ADTRP: variants seen among roughly 807,000 people sequenced by gnomAD.
ADTRP encodes the protein androgen dependent TFPI regulating protein.
In ADTRP, 20 loss-of-function variants were observed where a neutral mutation model predicts 27.0. That is an observed-to-expected ratio of 0.74 (90% CI 0.52 to 1.08). ADTRP has a LOEUF of 1.08. Ranked by LOEUF, ADTRP falls within the 50% of genes least tolerant of loss-of-function variation. ADTRP has a pLI of 0.00. For synonymous variants in ADTRP, 101 were observed against 105.2 expected (o/e 0.96, Z 0.25); for missense variants, 251 against 275.0 (o/e 0.91, Z 0.62).
chr6:11,720,455 G>T (rs1475996797), intron 5 of ADTRP, among the ~76,000 whole-genome samples: 1 of 149,528 alleles, frequency 6.7e-6, no homozygotes, highest in Non-Finnish European at 1.5e-5. Context: ...GTTGGTTTGC[G>T]GCCAGGTGAG....
intron 4 of ADTRP, among the ~76,000 whole-genome samples, chr6:11,729,436 C>A (rs180920178): frequency 6.6e-6 from 1 of 152,296 alleles, no homozygotes; most frequent in East Asian, 1.9e-4. Context: ...GGTTTTCTAA[C>A]TTCCTGCCCT....
chr6:11,720,485 T>TTA (rs1761982920), intron 5 of ADTRP, among the ~76,000 whole-genome samples: 1 of 151,792 alleles, frequency 6.6e-6, no homozygotes, highest in African/African-American at 2.4e-5. Flanking sequence ...CTTTTCTTTT[T>TTA]TTTTGAGATG....
At chr6:11,738,336 G>A (rs569227657) in intron 3 of ADTRP, among the ~76,000 whole-genome samples, 51 of 152,220 alleles carry the variant, frequency 3.4e-4, no homozygotes, top group Admixed American at 6.5e-4. Flanking sequence ...TGGTGCCTGC[G>A]TTCCCAGTCA....
rs974257156 is a variant in ADTRP, at chr6:11,748,364, G to A, written c.391-12681C>T. ...CAGCACACCTCACTCCACCCCAAAG[G>A]AAGAAGAACTCTGGGGTCAGTCAAG... On this transcript the variant is annotated intron_variant, in intron 3 of 5. Coordinates refer to ENST00000414691, the MANE Select transcript of ADTRP (RefSeq NM_032744.4). 3.9e-4 allele frequency among the ~76,000 whole-genome samples: 59 copies of A among 152,162 alleles called. 1 individual carries two copies. The highest frequency in any genetic ancestry group is 3.7e-3 in the Admixed American group (56 of 15,292).
chr6:11,763,970 A>G (rs1292645090), intron 3 of ADTRP, among the ~76,000 whole-genome samples: 2 of 152,186 alleles, frequency 1.3e-5, no homozygotes, highest in African/African-American at 4.8e-5. Context: ...AAACTAAGAG[A>G]AACACAGAAA....
intron 3 of ADTRP, among the ~76,000 whole-genome samples, chr6:11,749,733 G>A (rs541365291): frequency 1.3e-5 from 2 of 152,294 alleles, no homozygotes; most frequent in African/African-American, 2.4e-5. Context: ...TGGTAACATG[G>A]AGATAATTGG....
chr6:11,771,137 C>T (rs1443884633), intron 1 of ADTRP, among the ~76,000 whole-genome samples: 1 of 152,178 alleles, frequency 6.6e-6, no homozygotes, highest in East Asian at 1.9e-4. Context: ...CTCAGATCCT[C>T]CGGGCCTTCT....
intron 3 of ADTRP, among the ~76,000 whole-genome samples, chr6:11,740,387 C>T (rs924430904): frequency 1.5e-5 from 2 of 134,820 alleles, no homozygotes; most frequent in Admixed American, 1.5e-4. Flanking sequence ...TCAAATATAT[C>T]ATTTTTTTAA....
intron 2 of ADTRP, among the ~76,000 whole-genome samples, chr6:11,767,282 G>A (rs1274096999): frequency 6.6e-6 from 1 of 152,116 alleles, no homozygotes; most frequent in Admixed American, 6.5e-5. Context: ...GCAGTGAATC[G>A]AGATCACACC....
chr6:11,768,174 A>G lies in ADTRP; in HGVS notation c.288+75T>C, dbSNP rs192742919. On this transcript the variant is annotated intron_variant, in intron 2 of 5. Coordinates refer to ENST00000414691, the MANE Select transcript of ADTRP (RefSeq NM_032744.4). The stretch of plus-strand genomic sequence containing the variant: ...GGTTTCCAATTATGGGCTCCCAAAC[A>G]GCTTGGCTGCCCAGGAGAAGCGTCT... 394 of 1,561,034 alleles carry G rather than the reference A, an allele frequency of 2.5e-4. 2 individuals carry two copies. Among genetic ancestry groups the G allele is most frequent in the Non-Finnish European group, 1.7e-5 (20 of 1,148,332 alleles).
intron 4 of ADTRP, among the ~76,000 whole-genome samples, chr6:11,726,653 T>G (rs1762213896): frequency 6.6e-6 from 1 of 152,188 alleles, no homozygotes; most frequent in East Asian, 1.9e-4. Context: ...CAAAATGGAC[T>G]GAGCCAGGGA....
At chr6:11,747,490 CCT>C (rs1409918975) in intron 3 of ADTRP, among the ~76,000 whole-genome samples, 1 of 152,180 alleles carries the variant, frequency 6.6e-6, no homozygotes, top group Non-Finnish European at 1.5e-5. Flanking sequence ...GCTGAAATCT[CCT>C]CTGTTTTTAT....
chr6:11,744,556 C>T (rs1224842351), intron 3 of ADTRP, among the ~76,000 whole-genome samples: 1 of 152,178 alleles, frequency 6.6e-6, no homozygotes, highest in African/African-American at 2.4e-5. Flanking sequence ...GATCTTGAGA[C>T]TCACTGGTCT....
intron 4 of ADTRP, among the ~76,000 whole-genome samples, chr6:11,726,684 C>T (rs67783297): frequency 0.08 from 12,162 of 152,208 alleles, 677 homozygotes; most frequent in African/African-American, 0.15. Context: ...AACGGGTAGA[C>T]TTTCAGTTTG....
chr6:11,737,613 G>A (rs996966710), intron 3 of ADTRP, among the ~76,000 whole-genome samples: 1 of 152,178 alleles, frequency 6.6e-6, no homozygotes, highest in Admixed American at 6.5e-5. Context: ...CAGGAGCAGG[G>A]TGAGAAGGAC....
chr6:11,732,439 A>C (rs1762419219), intron 4 of ADTRP, among the ~76,000 whole-genome samples: 1 of 152,150 alleles, frequency 6.6e-6, no homozygotes, highest in East Asian at 1.9e-4. Context: ...GGGTGTCTGC[A>C]GTTTGTAGAA....
intron 1 of ADTRP, among the ~76,000 whole-genome samples, chr6:11,774,193 C>T (rs1763874760): frequency 6.6e-6 from 1 of 152,046 alleles, no homozygotes; most frequent in Admixed American, 6.6e-5. Flanking sequence ...GCTGTAGTCC[C>T]AGCTACTGAG....
intron 3 of ADTRP, among the ~76,000 whole-genome samples, chr6:11,761,190 C>T (rs868273870): frequency 2.0e-5 from 3 of 152,194 alleles, no homozygotes; most frequent in African/African-American, 7.2e-5. Context: ...ATCAGCTCAT[C>T]ATAGAGGCAT....
At chr6:11,754,514 C>T (rs1011321146) in intron 3 of ADTRP, among the ~76,000 whole-genome samples, 4 of 152,078 alleles carry the variant, frequency 2.6e-5, no homozygotes, top group South Asian at 4.2e-4. Context: ...ACGTGACGGA[C>T]GTGTAATACA....
Sources: gnomAD v4.1 joint callset for allele counts (sites outside exome capture counted in the v4.1 genomes callset) on GRCh38, gnomAD v4.1.1 for gene constraint, MANE v1.5 for transcripts, NCBI Gene and HGNC (gene_info 2026-07-23, HGNC 2026-07-21) for gene names.